The following TEX14 variants were observed in gnomAD, a reference collection of about 807,000 sequenced individuals.
TEX14 encodes the protein testis expressed 14, intercellular bridge forming factor.
A neutral mutation model predicts 178.6 loss-of-function variants in TEX14; 168 were observed. That is an observed-to-expected ratio of 0.94 (90% CI 0.83 to 1.07). The LOEUF is 1.07. Among genes scored for constraint, TEX14 ranks in the 50% least tolerant of loss-of-function variants. The pLI, the probability that TEX14 is intolerant of heterozygous loss-of-function variation, is 0.00. For synonymous variants in TEX14, 626 were observed against 634.1 expected, an observed-to-expected ratio of 0.99 and a Z score of 0.19; for missense variants, 1,730 against 1,753.6, an observed-to-expected ratio of 0.99 and a Z score of 0.24.
At position 58,605,178 on chromosome 17, in the gene TEX14, T is replaced by TATTCATTC. The variant is rs112721240; in HGVS notation, c.1185-57_1185-50dup. 1.4e-5 allele frequency: 22 copies of TATTCATTC among 1,570,548 alleles called. No homozygotes were observed. The African/African-American group carries it at 1.9e-4, about 14-fold the overall frequency. On this transcript the variant is annotated intron_variant, in intron 10 of 31. Transcript: ENST00000349033. ...AGCGCTCATGCCTTAAAGGGTCTTT[T>TATTCATTC]ATTCATTCATTCATTCATTCATTCT...
At chr17:58,566,188 G>C (rs2044393629) in intron 26 of TEX14, among the ~76,000 whole-genome samples, 1 of 152,184 alleles carries the variant, frequency 6.6e-6, no homozygotes, top group South Asian at 2.1e-4. Flanking sequence ...CCAGGTGTCA[G>C]GTTCTGTTTC....
At chr17:58,686,585 A>G (rs1339891010) in intron 1 of TEX14, among the ~76,000 whole-genome samples, 1 of 152,196 alleles carries the variant, frequency 6.6e-6, no homozygotes, top group Non-Finnish European at 1.5e-5. Flanking sequence ...CAAACAGAAA[A>G]GCCAAATATG....
At chr17:58,682,922 T>A (rs1014622356) in intron 1 of TEX14, among the ~76,000 whole-genome samples, 1 of 151,788 alleles carries the variant, frequency 6.6e-6, no homozygotes, top group African/African-American at 2.4e-5. Flanking sequence ...ATTTCTTTGA[T>A]TAGAAAAAAA....
chr17:58,618,497 A>G (rs2045927555), intron 5 of TEX14, among the ~76,000 whole-genome samples: 1 of 152,218 alleles, frequency 6.6e-6, no homozygotes, highest in African/African-American at 2.4e-5. Flanking sequence ...AGAAGGGGTG[A>G]TGCCTCGTAT....
intron 1 of TEX14, among the ~76,000 whole-genome samples, chr17:58,687,174 G>C (rs2047615655): frequency 6.6e-6 from 1 of 152,054 alleles, no homozygotes; most frequent in African/African-American, 2.4e-5. Context: ...ATTTGCTGGA[G>C]GCAATCACTC....
intron 27 of TEX14, 61 bp downstream of exon 27, chr17:58,565,686 C>A: frequency 1.6e-6 from 2 of 1,257,676 alleles, no homozygotes; most frequent in Non-Finnish European, 2.3e-6. Context: ...ATATGTACCA[C>A]TGTGTTGCCA....
chr17:58,649,929 G>T (rs554827759), intron 2 of TEX14, among the ~76,000 whole-genome samples: 24 of 151,710 alleles, frequency 1.6e-4, no homozygotes, highest in African/African-American at 5.8e-4. Flanking sequence ...TAGTAGAAAT[G>T]GGGTTTCACT....
chr17:58,628,240 C>G (rs1418680132), intron 3 of TEX14, among the ~76,000 whole-genome samples: 1 of 151,986 alleles, frequency 6.6e-6, no homozygotes, highest in Non-Finnish European at 1.5e-5. Context: ...AGTTTTCTTC[C>G]CCTAAGCAAT....
chr17:58,623,151 G>A, intron 3 of TEX14, 139 bp from the exon 4 acceptor site: 1 of 620,640 alleles, frequency 1.6e-6, no homozygotes, highest in Non-Finnish European at 2.7e-6. Flanking sequence ...CATTTGTGAG[G>A]CCCCTGTCTG....
chr17:58,617,687 A>G, intron 5 of TEX14, 68 bp from the exon 6 acceptor site: 1 of 1,165,090 alleles, frequency 8.6e-7, no homozygotes, highest in South Asian at 1.4e-5. Context: ...ATAATGCTGA[A>G]CCAAGTTTTC....
At chr17:58,685,115 T>C (rs912316496) in intron 1 of TEX14, among the ~76,000 whole-genome samples, 23 of 152,274 alleles carry the variant, frequency 1.5e-4, no homozygotes, top group Non-Finnish European at 2.5e-4. Flanking sequence ...CTTCTAAACA[T>C]GTTACCAAAG....
At chr17:58,638,225 T>C (rs1054191165) in intron 2 of TEX14, among the ~76,000 whole-genome samples, 23 of 151,588 alleles carry the variant, frequency 1.5e-4, no homozygotes, top group Admixed American at 1.1e-3. Flanking sequence ...ACTGCAAAAA[T>C]AGGCTGGACG....
chr17:58,560,253 T>G (rs141785963), intron 29 of TEX14, among the ~76,000 whole-genome samples: 98 of 152,298 alleles, frequency 6.4e-4, no homozygotes, highest in Non-Finnish European at 9.6e-4. Context: ...ATTTGGTGGA[T>G]AGTCAAAACA....
intron 1 of TEX14, among the ~76,000 whole-genome samples, chr17:58,656,630 T>C (rs1476776866): frequency 6.6e-6 from 1 of 151,480 alleles, no homozygotes; most frequent in Non-Finnish European, 1.5e-5. Flanking sequence ...GGTGGGCACC[T>C]GTAATCCCAG....
chr17:58,567,059 C>T (rs554959150), intron 26 of TEX14, among the ~76,000 whole-genome samples: 68 of 151,762 alleles, frequency 4.5e-4, no homozygotes, highest in Admixed American at 1.2e-3. Flanking sequence ...CCCAGCTACT[C>T]GGGAGGCTGA....
intron 2 of TEX14, among the ~76,000 whole-genome samples, chr17:58,640,644 TGA>T (rs150602548): frequency 1.1e-4 from 16 of 147,044 alleles, no homozygotes; most frequent in East Asian, 6.0e-4. Flanking sequence ...TGTGTGTGTG[TGA>T]GAGAGAGAGA....
Position 58,562,886 on chromosome 17 carries a change from A to G in TEX14, c.4065-1274T>C, listed in dbSNP as rs550816385. Among the ~76,000 whole-genome samples the G allele has an allele frequency of 5.1e-4, 75 of 147,952 alleles. 1 individual carries two copies. Among genetic ancestry groups the G allele is most frequent in the Middle Eastern group, 6.8e-3 (2 of 294 alleles). Reference sequence around the variant, plus strand: ...CAGGAGTTCAAGGCCAGTCTGGGCAACATGGCAAAACCCCATCTCTACAAA... The same window carrying G: ...CAGGAGTTCAAGGCCAGTCTGGGCAGCATGGCAAAACCCCATCTCTACAAA... On this transcript the variant is annotated intron_variant, in intron 28 of 31. Transcript: ENST00000349033.
In TEX14 at chr17:58,605,031, G is replaced by T; in HGVS notation, c.1283C>A (p.Thr428Lys). 1 of 1,614,166 alleles carries T rather than the reference G, an allele frequency of 6.2e-7. No homozygotes were observed. The highest frequency in any genetic ancestry group is 8.5e-7 in the Non-Finnish European group (1 of 1,180,024). Reference sequence around the variant, plus strand: ...AAAGCTGTAGATGTCTGATTTCACTGTGGCTGCCTTCTGTAAGATCACTTC... The same window carrying T: ...AAAGCTGTAGATGTCTGATTTCACTTTGGCTGCCTTCTGTAAGATCACTTC... Reference protein sequence around the residue: ...APEVILQKAATVKSDIYSFSM... With the variant: ...APEVILQKAAKVKSDIYSFSM... The change falls in exon 11 of 32, where the codon ACA becomes AAA. Residue 428 changes from threonine (T) to lysine (K), a missense_variant. By Grantham distance (78) the Thr-to-Lys change is moderately conservative. Transcript: ENST00000349033.
chr17:58,598,900 T>TGGGTA lies in TEX14; in HGVS notation c.2440_2444dup (p.Leu817GlnfsTer88). 6.2e-7 allele frequency: 1 copy of TGGGTA among 1,611,550 alleles called. No homozygotes were observed. Among genetic ancestry groups the TGGGTA allele is most frequent in the Non-Finnish European group, 8.5e-7 (1 of 1,178,894 alleles). ...CCATTCTTGGAAATCTTGGTAGGGT[T>TGGGTA]GGGTAGTTGCCACTGGTGTCTGGCT... On this transcript the variant is annotated frameshift_variant, in exon 14 of 32. Transcript: ENST00000349033. LOFTEE classifies it high-confidence loss of function.
Sources: allele counts gnomAD v4.1 joint callset (sites outside exome capture counted in the v4.1 genomes callset), GRCh38; gene constraint gnomAD v4.1.1; transcripts MANE v1.5; gene names NCBI Gene and HGNC (gene_info 2026-07-23, HGNC 2026-07-21).